The following SAMSN1 variants were observed in gnomAD, a reference collection of about 807,000 sequenced individuals.
The protein encoded by SAMSN1 is SAM domain, SH3 domain and nuclear localization signals 1.
In SAMSN1, 31 loss-of-function variants were observed where a neutral mutation model predicts 42.0. The ratio of observed to expected loss-of-function variants is 0.74; its 90% CI spans 0.55 to 1.00. The LOEUF (loss-of-function observed/expected upper bound fraction) is 1.00, where lower values mean the gene tolerates loss of function less well. SAMSN1 is among the 50% of genes least tolerant of loss of function. The pLI is 0.00. For missense variants in SAMSN1, 464 were observed against 439.4 expected, an observed-to-expected ratio of 1.06 and a Z score of -0.50; for synonymous variants, 178 against 151.9, an observed-to-expected ratio of 1.17 and a Z score of -1.26.
At position 14,545,479 on chromosome 21, in the gene SAMSN1, A is replaced by C. The variant is rs575115733; in HGVS notation, c.57+726T>G. On this transcript the variant is annotated intron_variant, in intron 1 of 7. Transcript: ENST00000400566. ...TTGGTACTTTGTAAATAGTTGTTTT[A>C]CGTTATTAATAAATCTAGAGTTCTA... is the stretch of plus-strand genomic sequence containing the variant. Among the ~76,000 whole-genome samples the C allele has an allele frequency of 8.5e-5, 13 of 152,256 alleles. No individual in the cohort carries two copies. In the South Asian group the frequency reaches 2.7e-3, roughly 32 times the overall value.
chr21:14,617,184 T>A lies in SAMSN1; in HGVS notation c.157-1168A>T, dbSNP rs1479941410. On this transcript the variant is annotated intron_variant, in intron 2 of 15. Transcript: ENST00000647101. ...GGTGGATGGGGGTTGTAAGTAAGGA[T>A]GTGGGAAGCATGAATTAAGCCCTAA... Among the ~76,000 whole-genome samples the A allele has an allele frequency of 2.6e-5, 4 of 152,162 alleles. No homozygotes were observed. In the East Asian group the frequency reaches 7.7e-4, roughly 29 times the overall value.
At chr21:14,578,979 A>G (rs947226153) in intron 2 of SAMSN1, among the ~76,000 whole-genome samples, 1 of 152,226 alleles carries the variant, frequency 6.6e-6, no homozygotes, top group African/African-American at 2.4e-5. Flanking sequence ...ACATTCTATA[A>G]TATGAAAGTT....
At chr21:14,537,417 T>C (rs1415793379) in intron 1 of SAMSN1, among the ~76,000 whole-genome samples, 1 of 152,204 alleles carries the variant, frequency 6.6e-6, no homozygotes, top group Non-Finnish European at 1.5e-5. Context: ...TAGCATACTG[T>C]ATATATTACT....
At chr21:14,515,811 A>G (rs1987887786) in intron 3 of SAMSN1, among the ~76,000 whole-genome samples, 1 of 152,234 alleles carries the variant, frequency 6.6e-6, no homozygotes, top group Non-Finnish European at 1.5e-5. Flanking sequence ...GAAGATAAAT[A>G]ACCCAATTAA....
chr21:14,492,331 A>G (rs1252600883), intron 7 of SAMSN1, among the ~76,000 whole-genome samples: 1 of 152,226 alleles, frequency 6.6e-6, no homozygotes, highest in African/African-American at 2.4e-5. Flanking sequence ...TCTGCTTATT[A>G]CAAATACTTG....
At chr21:14,653,638 A>G (rs1002764584) in intron 1 of SAMSN1, among the ~76,000 whole-genome samples, 2 of 152,028 alleles carry the variant, frequency 1.3e-5, no homozygotes, top group Non-Finnish European at 2.9e-5. Context: ...TTTTAAAATA[A>G]TTTAAAGGGT....
intron 2 of SAMSN1, among the ~76,000 whole-genome samples, chr21:14,630,689 T>C (rs913135635): frequency 6.6e-6 from 1 of 152,214 alleles, no homozygotes; most frequent in Non-Finnish European, 1.5e-5. Flanking sequence ...GTGTTTTACA[T>C]ATTGGCTTGT....
intron 2 of SAMSN1, among the ~76,000 whole-genome samples, chr21:14,620,795 A>G (rs1982981797): frequency 6.6e-6 from 1 of 152,228 alleles, no homozygotes; most frequent in Non-Finnish European, 1.5e-5. Context: ...TATTAGATAC[A>G]TTGTTTATTA....
At chr21:14,549,118 T>C (rs1433702455), upstream of SAMSN1, among the ~76,000 whole-genome samples, 3 of 152,156 alleles carry the variant, frequency 2.0e-5, no homozygotes, top group African/African-American at 7.2e-5. Context: ...GAAAGTAAGG[T>C]GAGCCATAAA....
At chr21:14,561,315 C>G (rs9982591) in intron 2 of SAMSN1, among the ~76,000 whole-genome samples, 24,215 of 152,020 alleles carry the variant, frequency 0.16, 2,003 homozygotes, top group East Asian at 0.3. Context: ...AAAACCACCT[C>G]CAAGCCTTTG....
At chr21:14,616,014 T>A (rs1299392656) in exon 3 of SAMSN1, 1 of 586,206 alleles carries the variant, frequency 1.7e-6, no homozygotes, top group African/African-American at 1.9e-5. Flanking sequence ...AATTAGAAAC[T>A]CCCTGTAAAA....
intron 2 of SAMSN1, among the ~76,000 whole-genome samples, chr21:14,575,942 T>G (rs1007989677): frequency 6.6e-6 from 1 of 152,194 alleles, no homozygotes; most frequent in Non-Finnish European, 1.5e-5. Flanking sequence ...CCTACACTTT[T>G]AAACTTCACT....
chr21:14,604,893 C>T (rs191307985), intron 5 of SAMSN1, among the ~76,000 whole-genome samples: 1 of 152,338 alleles, frequency 6.6e-6, no homozygotes, highest in East Asian at 1.9e-4. Flanking sequence ...ACATTGTGAA[C>T]CAGTTCCCCA....
intron 1 of SAMSN1, among the ~76,000 whole-genome samples, chr21:14,523,040 C>T (rs934801251): frequency 6.6e-6 from 1 of 152,146 alleles, no homozygotes; most frequent in South Asian, 2.1e-4. Flanking sequence ...GACAGTGACC[C>T]TGGTCAGGAA....
chr21:14,520,219 T>C (rs1443651153), intron 2 of SAMSN1, among the ~76,000 whole-genome samples: 2 of 152,192 alleles, frequency 1.3e-5, no homozygotes, highest in African/African-American at 4.8e-5. Flanking sequence ...TACAAATGTG[T>C]ATGTAGCACT....
At chr21:14,499,267 T>C (rs1196782534) in intron 6 of SAMSN1, among the ~76,000 whole-genome samples, 2 of 152,240 alleles carry the variant, frequency 1.3e-5, no homozygotes, top group South Asian at 2.1e-4. Flanking sequence ...TAGTTTAAAA[T>C]TCATAGGTTT....
At chr21:14,519,519 C>T (rs2123030188) in intron 2 of SAMSN1, among the ~76,000 whole-genome samples, 1 of 152,078 alleles carries the variant, frequency 6.6e-6, no homozygotes, top group African/African-American at 2.4e-5. Flanking sequence ...CACACACAAA[C>T]ACATATATGT....
Position 14,493,613 on chromosome 21 carries a change from A to ACACG in SAMSN1, c.919+4828_919+4829insCGTG, listed in dbSNP as rs1555826735. Among the ~76,000 whole-genome samples, 558 of 151,030 alleles carry ACACG rather than the reference A, an allele frequency of 3.7e-3. 12 individuals are homozygous for ACACG. Among genetic ancestry groups the ACACG allele is most frequent in the South Asian group, 0.015 (72 of 4,764 alleles). Reference sequence around the variant, plus strand: ...CACACACACACACACACACACACACATATTTTCTGTTCTCTTTTTTATTTG... The same window carrying ACACG: ...CACACACACACACACACACACACACACACGTATTTTCTGTTCTCTTTTTTATTTG... On this transcript the variant is annotated intron_variant, in intron 7 of 7. Transcript: ENST00000400566.
chr21:14,553,224 C>G (rs1275957365), intron 2 of SAMSN1, among the ~76,000 whole-genome samples: 1 of 151,996 alleles, frequency 6.6e-6, no homozygotes, highest in South Asian at 2.1e-4. Flanking sequence ...TTAACATTAT[C>G]ATGGTATAAA....
Sources: gnomAD v4.1 joint callset for allele counts (sites outside exome capture counted in the v4.1 genomes callset) on GRCh38, gnomAD v4.1.1 for gene constraint, MANE v1.5 for transcripts, NCBI Gene and HGNC (gene_info 2026-07-23, HGNC 2026-07-21) for gene names.